The following PCDHA8 variants were observed in gnomAD, a reference collection of about 807,000 sequenced individuals.
PCDHA8 encodes the protein protocadherin alpha-8.
PCDHA8 carries 53 observed loss-of-function variants against 61.8 expected under a neutral mutation model. The observed-to-expected ratio is 0.86, with a 90% CI of 0.69 to 1.08. The LOEUF (loss-of-function observed/expected upper bound fraction) is 1.08. Among genes scored for constraint, PCDHA8 ranks in the 50% least tolerant of loss-of-function variants. The probability of loss-of-function intolerance (pLI) is 0.00; values close to 1 mark genes in which losing one functional copy is unlikely to be tolerated. For synonymous variants in PCDHA8, 618 were observed against 556.6 expected (o/e 1.11, Z -1.55); for missense variants, 1,293 against 1,245.0 (o/e 1.04, Z -0.58).
At chr5:140,977,301 G>T (rs1478869150) in intron 1 of PCDHA8, among the ~76,000 whole-genome samples, 1 of 152,208 alleles carries the variant, frequency 6.6e-6, no homozygotes, top group Non-Finnish European at 1.5e-5. Context: ...CAGCTGACAA[G>T]CTAACGATAG....
rs781930086 is a variant in PCDHA8, at chr5:140,857,347, G to C, written c.2394+13632G>C. On this transcript the variant is annotated intron_variant, in intron 1 of 3. Coordinates refer to ENST00000531613, the MANE Select transcript of PCDHA8 (RefSeq NM_018911.3). The stretch of plus-strand genomic sequence containing the variant: ...CCGCGCGGGACGGGGGCTCGCCTCC[G>C]CTGTGGGCCACGGCCAGCGTGTCTG... 2.9e-5 allele frequency: 46 copies of C among 1,598,352 alleles called. 5 individuals are homozygous for C. In the Admixed American group the frequency reaches 3.4e-4, roughly 12 times the overall value.
chr5:140,857,575 G>A (rs781888670), intron 1 of PCDHA8: 4 of 1,596,658 alleles, frequency 2.5e-6, no homozygotes, highest in East Asian at 4.5e-5. Context: ...ACGTGTCGGT[G>A]CACGCGGAGA....
intron 1 of PCDHA8, among the ~76,000 whole-genome samples, chr5:140,955,285 G>T (rs2095164466): frequency 6.6e-6 from 1 of 151,896 alleles, no homozygotes; most frequent in Non-Finnish European, 1.5e-5. Context: ...ATATTGATAT[G>T]GTTTGGCTGT....
chr5:140,993,459 TTC>T lies in PCDHA8; in HGVS notation c.2542+10899_2542+10900del, dbSNP rs202191067. Among the ~76,000 whole-genome samples the T allele has an allele frequency of 6.6e-3, 550 of 83,072 alleles. 5 individuals carry two copies. The highest frequency in any genetic ancestry group is 0.016 in the African/African-American group (346 of 21,866). The allele number at this position is 83,072 out of a possible 152,430, so 54.5% of individuals were successfully genotyped here. ...ATTCATTCCTGTTCTCCTTCTTTCTTTCTCACACACACACACACACACACACA... is the reference window on the plus strand; with the variant it reads ...ATTCATTCCTGTTCTCCTTCTTTCTTTCACACACACACACACACACACACA... On this transcript the variant is annotated intron_variant, in intron 3 of 3. Transcript: ENST00000531613.
At chr5:140,966,997 G>A in intron 1 of PCDHA8, 3 of 1,604,812 alleles carry the variant, frequency 1.9e-6, no homozygotes, top group Non-Finnish European at 2.5e-6. Flanking sequence ...CGGGTTGCTT[G>A]CGCATCAACC....
intron 3 of PCDHA8, 49 bp downstream of exon 3, chr5:140,982,612 C>A (rs782489208): frequency 6.3e-7 from 1 of 1,599,358 alleles, no homozygotes; most frequent in Admixed American, 1.7e-5. Context: ...GGAAAGTGAT[C>A]AGATGACCTA....
At position 140,848,824 on chromosome 5, in the gene PCDHA8, T is replaced by C. The variant is rs2150421709; in HGVS notation, c.2394+5109T>C. On this transcript the variant is annotated intron_variant, in intron 1 of 3. Coordinates refer to ENST00000531613, the MANE Select transcript of PCDHA8 (RefSeq NM_018911.3). ...TGCAGCATCCACCTGGAGGTGATCG[T>C]AGACAGGCCGCTGCAGGTTTTCCAT... 7.5e-6 allele frequency: 12 copies of C among 1,590,566 alleles called. 1 individual carries two copies. In the Middle Eastern group the frequency reaches 1.4e-3, roughly 180 times the overall value.
At chr5:140,947,192 C>G (rs958443362) in intron 1 of PCDHA8, among the ~76,000 whole-genome samples, 27 of 151,038 alleles carry the variant, frequency 1.8e-4, no homozygotes, top group African/African-American at 6.6e-4. Flanking sequence ...GTATACTACA[C>G]AGCCTTAAAA....
intron 1 of PCDHA8, among the ~76,000 whole-genome samples, chr5:140,880,869 G>A (rs1017640769): frequency 2.0e-5 from 3 of 152,064 alleles, no homozygotes; most frequent in Non-Finnish European, 4.4e-5. Context: ...TATGTGAAGA[G>A]GTAAATAAAG....
chr5:140,877,375 C>T (rs782650940), intron 1 of PCDHA8: 4 of 1,614,006 alleles, frequency 2.5e-6, no homozygotes, highest in South Asian at 1.1e-5. Flanking sequence ...CAGCACGACA[C>T]GCATCCTGGA....
intron 1 of PCDHA8, among the ~76,000 whole-genome samples, chr5:140,964,575 G>A (rs2153740589): frequency 6.6e-6 from 1 of 152,212 alleles, no homozygotes; most frequent in East Asian, 1.9e-4. Flanking sequence ...GGAGATAAGG[G>A]GAGGAAAGAT....
intron 1 of PCDHA8, among the ~76,000 whole-genome samples, chr5:140,953,076 T>C (rs1276914822): frequency 6.6e-6 from 1 of 152,106 alleles, no homozygotes; most frequent in East Asian, 1.9e-4. Flanking sequence ...ATCTCCAACA[T>C]TGGGGATTAC....
At chr5:140,943,908 C>G (rs1554216015) in intron 1 of PCDHA8, among the ~76,000 whole-genome samples, 1 of 152,198 alleles carries the variant, frequency 6.6e-6, no homozygotes, top group Admixed American at 6.5e-5. Context: ...GTCATGAGCA[C>G]TTTAGCATGA....
intron 1 of PCDHA8, among the ~76,000 whole-genome samples, chr5:140,907,765 T>C (rs901037519): frequency 8.5e-5 from 13 of 152,144 alleles, no homozygotes; most frequent in African/African-American, 3.1e-4. Flanking sequence ...GCCCATTGGG[T>C]GATGACAGGG....
chr5:140,950,646 G>T (rs1221939583), intron 1 of PCDHA8, among the ~76,000 whole-genome samples: 2 of 151,884 alleles, frequency 1.3e-5, no homozygotes, highest in African/African-American at 4.8e-5. Context: ...TCCTGTTTAT[G>T]GTTGGCTGAG....
At chr5:140,850,468 C>T in intron 1 of PCDHA8, 1 of 1,597,912 alleles carries the variant, frequency 6.3e-7, no homozygotes, top group Non-Finnish European at 8.6e-7. Context: ...GGGGAGCCAG[C>T]GCTGACGGCC....
At chr5:140,969,162 C>T in intron 1 of PCDHA8, 1 of 1,614,110 alleles carries the variant, frequency 6.2e-7, no homozygotes, top group Non-Finnish European at 8.5e-7. Flanking sequence ...TGTCTGACAG[C>T]AGGCTCAGGG....
chr5:140,928,940 A>G (rs2085663832), intron 1 of PCDHA8: 1 of 1,613,944 alleles, frequency 6.2e-7, no homozygotes. Flanking sequence ...CAGAACTTGT[A>G]TTTAGTAATT....
At chr5:140,892,349 T>C (rs1266203354) in intron 1 of PCDHA8, among the ~76,000 whole-genome samples, 2 of 152,248 alleles carry the variant, frequency 1.3e-5, no homozygotes, top group Admixed American at 6.5e-5. Context: ...TAATTGACTT[T>C]TGCCAGGCAT....
Sources: allele counts gnomAD v4.1 joint callset (sites outside exome capture counted in the v4.1 genomes callset), GRCh38; gene constraint gnomAD v4.1.1; transcripts MANE v1.5; gene names NCBI Gene and HGNC (gene_info 2026-07-23, HGNC 2026-07-21).